The following SH3GL2 variants were observed in gnomAD, a reference collection of about 807,000 sequenced individuals.
The protein encoded by SH3GL2 is SH3 domain containing GRB2 like 2, endophilin A1.
Under a neutral mutation model 46.0 loss-of-function variants are expected in SH3GL2, and 24 were observed. The ratio of observed to expected loss-of-function variants is 0.52; its 90% CI spans 0.38 to 0.73. SH3GL2 has a LOEUF of 0.73. SH3GL2 is among the 30% of genes least tolerant of loss of function. The pLI, the probability that SH3GL2 is intolerant of heterozygous loss-of-function variation, is 0.00. For missense variants in SH3GL2, 413 were observed against 424.2 expected, an observed-to-expected ratio of 0.97 and a Z score of 0.23; for synonymous variants, 196 against 147.1, an observed-to-expected ratio of 1.33 and a Z score of -2.40.
chr9:17,636,509 G>C (rs1018383552), intron 1 of SH3GL2, among the ~76,000 whole-genome samples: 2 of 152,134 alleles, frequency 1.3e-5, no homozygotes, highest in African/African-American at 4.8e-5. Context: ...TTTACAAAAT[G>C]ACCTTTTTCA....
intron 1 of SH3GL2, among the ~76,000 whole-genome samples, chr9:17,681,172 C>G (rs1820756938): frequency 6.6e-6 from 1 of 151,994 alleles, no homozygotes; most frequent in South Asian, 2.1e-4. Context: ...TAGGAAGAAG[C>G]TTAGAAATAA....
chr9:17,673,066 G>A (rs538508668), intron 1 of SH3GL2, among the ~76,000 whole-genome samples: 1 of 152,126 alleles, frequency 6.6e-6, no homozygotes, highest in African/African-American at 2.4e-5. Context: ...GTTTGCCATG[G>A]TCTGTCAATT....
chr9:17,744,369 AT>A (rs10671259), intron 1 of SH3GL2, among the ~76,000 whole-genome samples: 1,756 of 144,254 alleles, frequency 0.012, 11 homozygotes, highest in East Asian at 0.017. Context: ...GGCACTTGAA[AT>A]TTTTTTTTTT....
intron 1 of SH3GL2, among the ~76,000 whole-genome samples, chr9:17,717,079 A>G (rs1189214652): frequency 6.6e-6 from 1 of 152,064 alleles, no homozygotes; most frequent in Non-Finnish European, 1.5e-5. Flanking sequence ...AAAGGCGTTC[A>G]TTATGGTCCA....
chr9:17,773,006 G>GT (rs1164192313), intron 3 of SH3GL2, among the ~76,000 whole-genome samples: 4 of 151,982 alleles, frequency 2.6e-5, no homozygotes, highest in Non-Finnish European at 5.9e-5. Flanking sequence ...GTTATTTTCT[G>GT]TTTTTTTGAT....
At chr9:17,763,913 C>G (rs904014984) in intron 3 of SH3GL2, among the ~76,000 whole-genome samples, 2 of 151,974 alleles carry the variant, frequency 1.3e-5, no homozygotes, top group Non-Finnish European at 2.9e-5. Flanking sequence ...AAGGGTCCTT[C>G]CCTTTCAGAG....
At chr9:17,635,311 A>G (rs1156362265) in intron 1 of SH3GL2, among the ~76,000 whole-genome samples, 1 of 152,210 alleles carries the variant, frequency 6.6e-6, no homozygotes, top group Non-Finnish European at 1.5e-5. Flanking sequence ...TGCAAAGGAC[A>G]TGGTCTCATT....
At chr9:17,614,295 GA>G (rs3084628) in intron 1 of SH3GL2, among the ~76,000 whole-genome samples, 10,712 of 70,290 alleles carry the variant, frequency 0.15, 706 homozygotes, top group Middle Eastern at 0.31. Flanking sequence ...CATGGTTTCT[GA>G]AAAAAAAAAA....
In SH3GL2 at chr9:17,688,333, C is replaced by T. The variant is rs546192349; in HGVS notation, c.46-58733C>T. On this transcript the variant is annotated intron_variant, in intron 1 of 8. Coordinates refer to ENST00000380607, the MANE Select transcript of SH3GL2 (RefSeq NM_003026.5). ...ATTTTCTATAGCTTGCTTTGATCAACGGTGAAAAAAAATGTAGTTTGGGAT... is the reference window on the plus strand; with the variant it reads ...ATTTTCTATAGCTTGCTTTGATCAATGGTGAAAAAAAATGTAGTTTGGGAT... 5.3e-5 allele frequency among the ~76,000 whole-genome samples: 8 copies of T among 151,464 alleles called. 1 individual carries two copies. Among genetic ancestry groups the T allele is most frequent in the African/African-American group, 1.7e-4 (7 of 41,254 alleles).
chr9:17,754,672 CA>C (rs1040151428), intron 2 of SH3GL2, among the ~76,000 whole-genome samples: 3 of 151,800 alleles, frequency 2.0e-5, no homozygotes, highest in South Asian at 4.1e-4. Flanking sequence ...GACTCTGTCT[CA>C]AAAAAATAAA....
chr9:17,772,310 T>C (rs1230140046), intron 3 of SH3GL2, among the ~76,000 whole-genome samples: 1 of 152,236 alleles, frequency 6.6e-6, no homozygotes, highest in Non-Finnish European at 1.5e-5. Context: ...TAAAATAATT[T>C]AGAATTAATT....
chr9:17,619,698 T>G (rs1819093714), intron 1 of SH3GL2, among the ~76,000 whole-genome samples: 1 of 151,672 alleles, frequency 6.6e-6, no homozygotes, highest in East Asian at 1.9e-4. Context: ...TAAAATAAAA[T>G]AAGTGAGTGA....
intron 1 of SH3GL2, among the ~76,000 whole-genome samples, chr9:17,720,826 C>T (rs373665926): frequency 1.3e-5 from 2 of 152,220 alleles, no homozygotes; most frequent in East Asian, 3.9e-4. Context: ...TGGTTCTTGA[C>T]TTATGAGCCA....
At chr9:17,712,314 A>G (rs1365357380) in intron 1 of SH3GL2, among the ~76,000 whole-genome samples, 1 of 151,852 alleles carries the variant, frequency 6.6e-6, no homozygotes, top group Non-Finnish European at 1.5e-5. Flanking sequence ...TAATTTTGAT[A>G]AAAATCTAGT....
At chr9:17,774,488 A>T (rs1329633067) in intron 3 of SH3GL2, among the ~76,000 whole-genome samples, 2 of 151,474 alleles carry the variant, frequency 1.3e-5, no homozygotes, top group African/African-American at 4.8e-5. Flanking sequence ...TGTTTTTATC[A>T]TGAAAAGGTG....
intron 3 of SH3GL2, among the ~76,000 whole-genome samples, chr9:17,775,194 C>T (rs1440074768): frequency 1.3e-5 from 2 of 152,010 alleles, no homozygotes; most frequent in Non-Finnish European, 2.9e-5. Context: ...GTTCAGCTAG[C>T]TAAATGTTTG....
At chr9:17,707,161 G>A (rs1248146865) in intron 1 of SH3GL2, among the ~76,000 whole-genome samples, 2 of 152,022 alleles carry the variant, frequency 1.3e-5, no homozygotes, top group African/African-American at 4.8e-5. Context: ...CACACATGTT[G>A]TGACCTTGGG....
intron 1 of SH3GL2, among the ~76,000 whole-genome samples, chr9:17,719,407 A>G (rs1821838140): frequency 6.6e-6 from 1 of 152,188 alleles, no homozygotes; most frequent in Non-Finnish European, 1.5e-5. Flanking sequence ...AGAGCAGCTT[A>G]TAAATATGAA....
At chr9:17,703,582 G>A (rs535850966) in intron 1 of SH3GL2, among the ~76,000 whole-genome samples, 1 of 152,026 alleles carries the variant, frequency 6.6e-6, no homozygotes, top group South Asian at 2.1e-4. Context: ...AAATCCAGTA[G>A]CACATCAAAA....
Sources: allele counts gnomAD v4.1 joint callset (sites outside exome capture counted in the v4.1 genomes callset), GRCh38; gene constraint gnomAD v4.1.1; transcripts MANE v1.5; gene names NCBI Gene and HGNC (gene_info 2026-07-23, HGNC 2026-07-21).